Variants in TSPEAR observed in about 807,000 individuals in gnomAD.
The protein encoded by TSPEAR is thrombospondin-type laminin G domain and EAR repeat-containing protein.
Under a neutral mutation model 71.6 loss-of-function variants are expected in TSPEAR, and 69 were observed. The ratio of observed to expected loss-of-function variants is 0.96; its 90% confidence interval spans 0.79 to 1.18. TSPEAR has a LOEUF of 1.18. Among genes scored for constraint, TSPEAR ranks in the 50% most tolerant of loss-of-function variants. TSPEAR has a pLI of 0.00. For synonymous variants in TSPEAR, 402 were observed against 387.2 expected, an observed-to-expected ratio of 1.04 and a Z score of -0.45; for missense variants, 971 against 894.9, an observed-to-expected ratio of 1.09 and a Z score of -1.09.
intron 1 of TSPEAR, among the ~76,000 whole-genome samples, chr21:44,644,695 T>A (rs1555939121): frequency 1.3e-5 from 2 of 151,992 alleles, no homozygotes; most frequent in Non-Finnish European, 2.9e-5. Flanking sequence ...CAAAGTAACA[T>A]CATCAGAGTG....
intron 1 of TSPEAR, chr21:44,702,903 C>T: frequency 1.6e-6 from 1 of 626,786 alleles, no homozygotes; most frequent in South Asian, 1.9e-5. Context: ...TGGTACACAC[C>T]ACAGTGTGCA....
In TSPEAR at chr21:44,711,340, G is replaced by C. The variant is rs1461855251; in HGVS notation, c.82+93C>G. 2 of 1,206,464 alleles carry C rather than the reference G, an allele frequency of 1.7e-6. No individual in the cohort carries two copies. The highest frequency in any genetic ancestry group is 2.3e-6 in the Non-Finnish European group (2 of 854,614). The allele number at this position is 1,206,464 out of a possible 1,614,324, so 74.7% of individuals were successfully genotyped here. A position where few individuals can be genotyped will look rare whatever the true frequency, so the allele number is the denominator to read the frequency against. On this transcript the variant is annotated intron_variant, in intron 1 of 11. Transcript: ENST00000323084. This position sits in a 1 kb window ranked among gnomAD's most constrained non-coding sequence, Gnocchi z 4.5. Reference sequence around the variant, plus strand: ...AAAGCGTCCTCGGGCACCGCGGCTTGAATCAGTGTTAGAAAGTGGCATTTG... The same window carrying C: ...AAAGCGTCCTCGGGCACCGCGGCTTCAATCAGTGTTAGAAAGTGGCATTTG...
At chr21:44,662,559 C>T (rs587692886) in intron 1 of TSPEAR, among the ~76,000 whole-genome samples, 12 of 152,250 alleles carry the variant, frequency 7.9e-5, no homozygotes, top group African/African-American at 2.9e-4. Context: ...TTCAAGAGAA[C>T]AAGTAGACAG....
chr21:44,601,537 T>C, intron 1 of TSPEAR: 1 of 1,613,516 alleles, frequency 6.2e-7, no homozygotes, highest in Non-Finnish European at 8.5e-7. Context: ...CTGCAGACCC[T>C]CCTCCTCCGT....
At chr21:44,547,810 ACTTCCTGCTTGCACCTTCC>A (rs1389498294) in intron 2 of TSPEAR, among the ~76,000 whole-genome samples, 6 of 150,076 alleles carry the variant, frequency 4.0e-5, no homozygotes, top group African/African-American at 1.5e-4. Context: ...TTGCACCTTT[ACTTCCTGCTTGCACCTTCC>A]CTTCCTGCTT....
chr21:44,655,298 T>C (rs781906807), intron 1 of TSPEAR, among the ~76,000 whole-genome samples: 7 of 152,176 alleles, frequency 4.6e-5, no homozygotes, highest in Admixed American at 4.6e-4. Flanking sequence ...GGATCCATGG[T>C]CGTTACCACT....
chr21:44,585,328 C>T (rs750278604), intron 1 of TSPEAR, among the ~76,000 whole-genome samples: 1 of 152,200 alleles, frequency 6.6e-6, no homozygotes, highest in Non-Finnish European at 1.5e-5. Flanking sequence ...CTTTCCAGAA[C>T]CTGGCACTAT....
rs1569147448 is a variant in TSPEAR, at chr21:44,503,012, A to AGGAAGGCTCTGGGAGGAG, written c.1856+1767_1856+1768insCTCCTCCCAGAGCCTTCC. The stretch of plus-strand genomic sequence containing the variant: ...GTGGGGAAGCAAGGTGCTGGGAGGA[A>AGGAAGGCTCTGGGAGGAG]GCCGGCCTCGGTGAGCCCTCGGGGG... On this transcript the variant is annotated intron_variant, in intron 11 of 11. Transcript: ENST00000323084. 1.1e-3 allele frequency among the ~76,000 whole-genome samples: 86 copies of AGGAAGGCTCTGGGAGGAG among 74,828 alleles called. 1 individual carries two copies. The highest frequency in any genetic ancestry group is 4.0e-3 in the African/African-American group (80 of 20,082). 49.1% of individuals were successfully genotyped at this position (74,828 alleles called of 152,430 possible). A position where few individuals can be genotyped will look rare whatever the true frequency, so the allele number is the denominator to read the frequency against.
chr21:44,670,287 T>C (rs1555945652), intron 1 of TSPEAR, among the ~76,000 whole-genome samples: 12 of 152,032 alleles, frequency 7.9e-5, no homozygotes, highest in Non-Finnish European at 2.9e-5. Flanking sequence ...TAATAATTGA[T>C]CAATCAGTAA....
intron 1 of TSPEAR, among the ~76,000 whole-genome samples, chr21:44,620,073 A>C (rs1469597864): frequency 6.6e-6 from 1 of 152,270 alleles, no homozygotes; most frequent in African/African-American, 2.4e-5. Context: ...CAAAGAGAGA[A>C]TGTAAAAAGC....
chr21:44,706,548 G>A (rs1413661235), intron 1 of TSPEAR, among the ~76,000 whole-genome samples: 1 of 152,180 alleles, frequency 6.6e-6, no homozygotes, highest in Non-Finnish European at 1.5e-5. Context: ...CCCCGGCTCC[G>A]ACCCACACGC....
intron 1 of TSPEAR, among the ~76,000 whole-genome samples, chr21:44,706,145 C>T (rs1462114388): frequency 6.6e-6 from 1 of 152,236 alleles, no homozygotes; most frequent in African/African-American, 2.4e-5. Context: ...CAGACCCTTC[C>T]CAGTGCCCAC....
At position 44,529,890 on chromosome 21, in the gene TSPEAR, C is replaced by T; in HGVS notation, c.698G>A (p.Arg233Lys). ...GGACAGCACCGCCAGCGGGGCGTTC[C>T]TGCTGGGACACAGCCTTGGGGTGGC... ...SDATPRLCPSRNAPLAVLSIP... is the reference protein window; with the variant it reads ...SDATPRLCPSKNAPLAVLSIP... Residue 233 changes from arginine to lysine, a missense_variant, in exon 5 of 12, where the codon AGG (arginine) becomes AAG (lysine). By Grantham distance (26) the Arg-to-Lys change is conservative. Transcript: ENST00000323084. 1.2e-6 allele frequency: 2 copies of T among 1,613,224 alleles called. No individual in the cohort carries two copies. Among genetic ancestry groups the T allele is most frequent in the Non-Finnish European group, 1.7e-6 (2 of 1,179,860 alleles).
chr21:44,540,224 CTGAGTGTGTGAG>C (rs1168512138), intron 2 of TSPEAR: 29 of 1,572,010 alleles, frequency 1.8e-5, no homozygotes, highest in East Asian at 1.3e-4. Flanking sequence ...GTGTGAGTGA[CTGAGTGTGTGAG>C]TGAGTGTGTG....
At chr21:44,611,930 A>T (rs1981701372) in intron 1 of TSPEAR, 1 of 682,634 alleles carries the variant, frequency 1.5e-6, no homozygotes, top group Non-Finnish European at 2.5e-6. Context: ...CACAGCAAGT[A>T]AACTAATTAG....
chr21:44,708,002 C>A (rs1385574958), intron 1 of TSPEAR, among the ~76,000 whole-genome samples: 2 of 39,900 alleles, frequency 5.0e-5, no homozygotes, highest in Non-Finnish European at 1.0e-4. Flanking sequence ...CCCCGCCCCG[C>A]GCGTGCACAC....
intron 1 of TSPEAR, chr21:44,681,569 C>T (rs1367851873): frequency 3.4e-5 from 16 of 469,118 alleles, no homozygotes; most frequent in Admixed American, 7.2e-5. Context: ...AGACAAGAAA[C>T]GCAGAGTTGC....
chr21:44,557,109 G>A (rs587706617), intron 2 of TSPEAR, among the ~76,000 whole-genome samples: 9 of 152,258 alleles, frequency 5.9e-5, no homozygotes, highest in East Asian at 1.9e-4. Context: ...GAGCATTTGC[G>A]GCCGGCATAA....
intron 1 of TSPEAR, chr21:44,591,263 G>A (rs782086838): frequency 4.2e-5 from 62 of 1,461,986 alleles, no homozygotes; most frequent in Non-Finnish European, 5.4e-5. Context: ...GAGCATCCTG[G>A]TCCCTAAGAC....
Sources: gnomAD v4.1 joint callset for allele counts (sites outside exome capture counted in the v4.1 genomes callset) on GRCh38, gnomAD v4.1.1 for gene constraint, Gnocchi (gnomAD v3.1) non-coding constraint, MANE v1.5 for transcripts, NCBI Gene and HGNC (gene_info 2026-07-23, HGNC 2026-07-21) for gene names.